BIRC5: variants seen among roughly 807,000 people sequenced by gnomAD.
The protein encoded by BIRC5 is baculoviral IAP repeat-containing protein 5.
In BIRC5, 8 loss-of-function variants were observed where a neutral mutation model predicts 15.8. The observed-to-expected ratio is 0.51, with a 90% confidence interval of 0.30 to 0.91. The LOEUF is 0.91. Ranked by LOEUF, BIRC5 falls within the 40% of genes least tolerant of loss-of-function variation. The pLI, the probability that BIRC5 is intolerant of heterozygous loss-of-function variation, is 0.07. For synonymous variants in BIRC5, 56 were observed against 64.5 expected, an observed-to-expected ratio of 0.87 and a Z score of 0.63; for missense variants, 163 against 178.6, an observed-to-expected ratio of 0.91 and a Z score of 0.50.
chr17:78,215,970 C>T, intron 2 of BIRC5: 2 of 1,065,452 alleles, frequency 1.9e-6, no homozygotes, highest in Non-Finnish European at 2.3e-6. Flanking sequence ...TTACAGTGGG[C>T]CGGGCACGGT....
chr17:78,222,667 A>G (rs917101126), intron 3 of BIRC5, among the ~76,000 whole-genome samples: 2 of 152,072 alleles, frequency 1.3e-5, no homozygotes, highest in Non-Finnish European at 2.9e-5. Flanking sequence ...GTCCGTCTCA[A>G]AAAAAAAGTA....
intron 3 of BIRC5, among the ~76,000 whole-genome samples, chr17:78,219,311 A>G (rs1474754916): frequency 6.6e-6 from 1 of 152,130 alleles, no homozygotes; most frequent in Non-Finnish European, 1.5e-5. Context: ...CAGGCTCCCA[A>G]GTAGCTGAGA....
At chr17:78,215,587 T>C (rs1187414323) in intron 2 of BIRC5, among the ~76,000 whole-genome samples, 2 of 152,208 alleles carry the variant, frequency 1.3e-5, no homozygotes, top group East Asian at 3.8e-4. Context: ...TTCTGTCGGA[T>C]TCAGTTGCTT....
intron 3 of BIRC5, among the ~76,000 whole-genome samples, chr17:78,222,340 G>GGT (rs2076520929): frequency 6.6e-6 from 1 of 150,726 alleles, no homozygotes; most frequent in African/African-American, 2.4e-5. Context: ...TTATACATGA[G>GGT]GTAAAACTTA....
At position 78,214,446 on chromosome 17, in the gene BIRC5, C is replaced by T. The variant is rs2076462825; in HGVS notation, c.111+19C>T. On this transcript the variant is annotated intron_variant, in intron 1 of 3. Coordinates refer to ENST00000350051, the MANE Select transcript of BIRC5 (RefSeq NM_001168.3). ...GGAGCGGGTGAGACTGCCCGGCCTC[C>T]TGGGGTCCCCCACGCCCGCCTTGCC... 2.0e-6 allele frequency: 3 copies of T among 1,526,868 alleles called. No individual in the cohort carries two copies. Among genetic ancestry groups the T allele is most frequent in the South Asian group, 1.3e-5 (1 of 78,790 alleles). 94.6% of individuals were successfully genotyped at this position (1,526,868 alleles called of 1,614,324 possible).
chr17:78,222,757 A>G (rs1347043044), intron 3 of BIRC5: 1 of 1,518,460 alleles, frequency 6.6e-7, no homozygotes, highest in African/African-American at 1.4e-5. Context: ...TAGAGGAGTT[A>G]GGGTTTATAA....
Position 78,223,780 on chromosome 17 carries a change from C to A in BIRC5, c.*226C>A, listed in dbSNP as rs1418616207. On this transcript the variant is annotated 3_prime_UTR_variant, in exon 4 of 4. Transcript: ENST00000350051. ...TGCTGGTAACAGTGGCTGCTTCTCTCTCTCTCTCTCTTTTTTGGGGGCTCA... is the reference window on the plus strand; with the variant it reads ...TGCTGGTAACAGTGGCTGCTTCTCTATCTCTCTCTCTTTTTTGGGGGCTCA... The A allele has an allele frequency of 2.2e-6, 2 of 927,194 alleles. No homozygotes were observed. Among genetic ancestry groups the A allele is most frequent in the Non-Finnish European group, 3.0e-6 (2 of 670,614 alleles). The allele number at this position is 927,194 out of a possible 1,614,324, so 57.4% of individuals were successfully genotyped here.
chr17:78,214,496 C>T (rs549736720), intron 1 of BIRC5, 69 bp downstream of exon 1: 2 of 1,406,294 alleles, frequency 1.4e-6, no homozygotes, highest in East Asian at 2.4e-5. Flanking sequence ...GCCACTGTGA[C>T]TGGGCCTCGG....
chr17:78,221,312 C>T (rs945574059), intron 3 of BIRC5, among the ~76,000 whole-genome samples: 6 of 152,208 alleles, frequency 3.9e-5, no homozygotes, highest in East Asian at 1.9e-4. Context: ...AGTACAGTGG[C>T]GCAATCACAG....
chr17:78,222,827 G>A lies in BIRC5; in HGVS notation c.340-638G>A, dbSNP rs79069105. 7.2e-3 allele frequency: 11,113 copies of A among 1,536,050 alleles called. 54 individuals carry two copies. Among genetic ancestry groups the A allele is most frequent in the Non-Finnish European group, 8.4e-3 (9,668 of 1,146,878 alleles). ...TAATGTGATTGTCATTTGCCCCTTA[G>A]GAGAGAGCTCTGTTAGCAGAATGAA... On this transcript the variant is annotated intron_variant, in intron 3 of 3. Coordinates refer to ENST00000350051, the MANE Select transcript of BIRC5 (RefSeq NM_001168.3).
At chr17:78,221,711 T>C (rs549668042) in intron 3 of BIRC5, among the ~76,000 whole-genome samples, 2 of 152,362 alleles carry the variant, frequency 1.3e-5, no homozygotes, top group Non-Finnish European at 1.5e-5. Context: ...AATGGAGATA[T>C]TGACCTCCAC....
intron 3 of BIRC5, among the ~76,000 whole-genome samples, chr17:78,220,048 G>A (rs2076504546): frequency 6.6e-6 from 1 of 152,260 alleles, no homozygotes; most frequent in East Asian, 1.9e-4. Context: ...TGGACGCTGC[G>A]GGGTGCTCCG....
chr17:78,215,480 T>C (rs562355111), intron 2 of BIRC5, among the ~76,000 whole-genome samples: 37 of 152,226 alleles, frequency 2.4e-4, no homozygotes, highest in Non-Finnish European at 5.1e-4. Context: ...TTCTGGATTT[T>C]TTTCTTCAAG....
chr17:78,217,171 C>A (rs1050509687), intron 3 of BIRC5, among the ~76,000 whole-genome samples: 4 of 150,234 alleles, frequency 2.7e-5, no homozygotes, highest in Non-Finnish European at 5.9e-5. Flanking sequence ...AACCACCACG[C>A]CTGGCTTTTT....
chr17:78,214,765 G>A lies in BIRC5; in HGVS notation c.197G>A (p.Gly66Asp). ...TTCTTCTGCTTCAAGGAGCTGGAAG[G>A]CTGGGAGCCAGATGACGACCCCATG... ...QCFFCFKELE[G>D]WEPDDDPIEE... The change falls in exon 2 of 4, where the codon GGC (glycine) becomes GAC (aspartate). Residue 66 changes from glycine to aspartate, a missense_variant. Physicochemically the swap from Gly to Asp is moderately conservative, Grantham distance 94. Transcript: ENST00000350051. The A allele has an allele frequency of 6.2e-7, 1 of 1,613,260 alleles. No individual in the cohort carries two copies. The highest frequency in any genetic ancestry group is 1.3e-5 in the African/African-American group (1 of 75,030).
rs569729981 is a variant in BIRC5, at chr17:78,214,505, G to A, written c.111+78G>A. The A allele has an allele frequency of 2.2e-5, 30 of 1,378,078 alleles. No homozygotes were observed. The African/African-American group carries it at 3.2e-4, about 15-fold the overall frequency. 85.4% of individuals were successfully genotyped at this position (1,378,078 alleles called of 1,614,324 possible). ...AGCGAGGCCACTGTGACTGGGCCTCGGGGGTACAAGCCGCCCTCCCCTCCC... is the reference window on the plus strand; with the variant it reads ...AGCGAGGCCACTGTGACTGGGCCTCAGGGGTACAAGCCGCCCTCCCCTCCC... On this transcript the variant is annotated intron_variant, in intron 1 of 3. Transcript: ENST00000350051.
intron 3 of BIRC5, among the ~76,000 whole-genome samples, chr17:78,219,001 G>C (rs886406618): frequency 5.3e-5 from 8 of 152,138 alleles, no homozygotes; most frequent in African/African-American, 1.9e-4. Flanking sequence ...CCTGGGTGGA[G>C]AGTCAGGAGA....
Position 78,224,054 on chromosome 17 carries a change from G to GTTC in BIRC5, c.*501_*502insTCT, listed in dbSNP as rs2076533625. On this transcript the variant is annotated 3_prime_UTR_variant, in exon 4 of 4. Coordinates refer to ENST00000350051, the MANE Select transcript of BIRC5 (RefSeq NM_001168.3). ...CTCAGAGGACAGTTTTTTTGTTGTT[G>GTTC]TGTTTTTTTGTTTTTTTTTTTTTGG... The GTTC allele has an allele frequency of 9.8e-6, 1 of 102,540 alleles. No individual in the cohort carries two copies. The highest frequency in any genetic ancestry group is 3.5e-4 in the South Asian group (1 of 2,888). 6.4% of individuals were successfully genotyped at this position (102,540 alleles called of 1,614,324 possible).
chr17:78,214,411 C>G lies in BIRC5; in HGVS notation c.95C>G (p.Ala32Gly). Residue 32 changes from alanine (A) to glycine (G), a missense_variant, in exon 1 of 4, where the codon GCC becomes GGC. Ala to Gly is a moderately conservative substitution (Grantham distance 60, BLOSUM62 0). Transcript: ENST00000350051. ...FKNWPFLEGC[A>G]CTPERMAEAG... ...AACTGGCCCTTCTTGGAGGGCTGCG[C>G]CTGCACCCCGGAGCGGGTGAGACTG... is the stretch of plus-strand genomic sequence containing the variant. 6.3e-7 allele frequency: 1 copy of G among 1,585,922 alleles called. No individual in the cohort carries two copies. Among genetic ancestry groups the G allele is most frequent in the East Asian group, 2.3e-5 (1 of 43,500 alleles).
Sources: allele counts gnomAD v4.1 joint callset (sites outside exome capture counted in the v4.1 genomes callset), GRCh38; gene constraint gnomAD v4.1.1; transcripts MANE v1.5; gene names NCBI Gene and HGNC (gene_info 2026-07-23, HGNC 2026-07-21).